The following PIAS4 variants were observed in gnomAD, a reference collection of about 807,000 sequenced individuals.
The protein encoded by PIAS4 is E3 SUMO-protein ligase PIAS4.
Under a neutral mutation model 58.0 loss-of-function variants are expected in PIAS4, and 7 were observed. The observed-to-expected ratio is 0.12, with a 90% CI of 0.07 to 0.23. The LOEUF (loss-of-function observed/expected upper bound fraction) is 0.23, where lower values mean the gene tolerates loss of function less well. Ranked by LOEUF, PIAS4 falls within the 10% of genes least tolerant of loss-of-function variation. PIAS4 has a pLI of 1.00. For synonymous variants in PIAS4, 364 were observed against 312.4 expected (o/e 1.17, Z -1.74); for missense variants, 550 against 709.5 (o/e 0.78, Z 2.55).
At chr19:4,024,694 A>G (rs536668482) in intron 3 of PIAS4, among the ~76,000 whole-genome samples, 1 of 151,990 alleles carries the variant, frequency 6.6e-6, no homozygotes, top group African/African-American at 2.4e-5. Flanking sequence ...TCCCCGGTTT[A>G]CACCGCCCGC....
At chr19:4,022,799 A>G (rs2040123327) in intron 2 of PIAS4, among the ~76,000 whole-genome samples, 2 of 151,120 alleles carry the variant, frequency 1.3e-5, no homozygotes, top group East Asian at 2.0e-4. Flanking sequence ...CAGCCTCCCA[A>G]GTAGCTGGGA....
At chr19:4,019,400 C>A (rs529095437) in intron 2 of PIAS4, among the ~76,000 whole-genome samples, 1 of 152,330 alleles carries the variant, frequency 6.6e-6, no homozygotes, top group South Asian at 2.1e-4. Flanking sequence ...TCTTGTTCTT[C>A]AATGACTGGG....
chr19:4,028,236 G>A lies in PIAS4; in HGVS notation c.581+49G>A, dbSNP rs370495454. On this transcript the variant is annotated intron_variant, in intron 4 of 10. Coordinates refer to ENST00000262971, the MANE Select transcript of PIAS4 (RefSeq NM_015897.4). ...CCCAGGGCTGGACCCCCAGCCACCCGCCCCTCCCCGCCCCCCAGTCCTGGC... is the reference window on the plus strand; with the variant it reads ...CCCAGGGCTGGACCCCCAGCCACCCACCCCTCCCCGCCCCCCAGTCCTGGC... 3.5e-5 allele frequency: 31 copies of A among 889,412 alleles called. No homozygotes were observed. In the African/African-American group the frequency reaches 7.6e-4, roughly 22 times the overall value. The allele number at this position is 889,412 out of a possible 1,614,324, so 55.1% of individuals were successfully genotyped here.
chr19:4,027,095 G>A (rs953507689), intron 3 of PIAS4, among the ~76,000 whole-genome samples: 7 of 151,274 alleles, frequency 4.6e-5, no homozygotes, highest in South Asian at 2.1e-4. Flanking sequence ...CTTGTTATCC[G>A]CCCGCCTCGG....
Position 4,013,119 on chromosome 19 carries a change from C to T in PIAS4, c.224C>T (p.Pro75Leu). Reference sequence around the variant, plus strand: ...GCCAAGAAGAACTCGGAGCCTGCCCCACAGCCGCACCGGCCCCTGGACCCC... The same window carrying T: ...GCCAAGAAGAACTCGGAGCCTGCCCTACAGCCGCACCGGCCCCTGGACCCC... ...RYAKKNSEPA[P>L]QPHRPLDPLT... The change falls in exon 2 of 11, where the codon CCA becomes CTA. Residue 75 changes from proline (P) to leucine (L), a missense_variant. Pro to Leu is a moderately conservative substitution (Grantham distance 98). Coordinates refer to ENST00000262971, the MANE Select transcript of PIAS4 (RefSeq NM_015897.4). The surrounding 1 kb of genome is among the most constrained non-coding windows in gnomAD (Gnocchi z 5.1). 1 of 1,613,434 alleles carries T rather than the reference C, an allele frequency of 6.2e-7. No individual in the cohort carries two copies. The highest frequency in any genetic ancestry group is 8.5e-7 in the Non-Finnish European group (1 of 1,180,008).
Position 4,013,960 on chromosome 19 carries a change from C to T in PIAS4, c.454+611C>T, listed in dbSNP as rs1343311627. Among the ~76,000 whole-genome samples, 1 of 152,176 alleles carries T rather than the reference C, an allele frequency of 6.6e-6. No individual in the cohort carries two copies. Among genetic ancestry groups the T allele is most frequent in the Non-Finnish European group, 1.5e-5 (1 of 68,018 alleles). On this transcript the variant is annotated intron_variant, in intron 2 of 10. Coordinates refer to ENST00000262971, the MANE Select transcript of PIAS4 (RefSeq NM_015897.4). This position sits in a 1 kb window ranked among gnomAD's most constrained non-coding sequence, Gnocchi z 5.1. ...GACTCTGTGGCGCATGCAGGGACCA[C>T]ACCAGGCTGTGACTGCCAGGGCCAG...
intron 3 of PIAS4, among the ~76,000 whole-genome samples, chr19:4,025,738 G>T (rs1306276942): frequency 6.6e-6 from 1 of 150,442 alleles, no homozygotes; most frequent in Non-Finnish European, 1.5e-5. Context: ...CCTGCACTGG[G>T]TCCCTGCTGC....
rs1157965911 is a variant in PIAS4 at position 4,038,715 on chromosome 19, A to T, written c.*840A>T. 6.5e-6 allele frequency: 1 copy of T among 154,004 alleles called. No homozygotes were observed. The highest frequency in any genetic ancestry group is 2.4e-5 in the African/African-American group (1 of 41,328). 9.5% of individuals were successfully genotyped at this position (154,004 alleles called of 1,614,324 possible). A position where few individuals can be genotyped will look rare whatever the true frequency, so the allele number is the denominator to read the frequency against. On this transcript the variant is annotated 3_prime_UTR_variant, in exon 11 of 11. Coordinates refer to ENST00000262971, the MANE Select transcript of PIAS4 (RefSeq NM_015897.4). The surrounding 1 kb of genome is among the most constrained non-coding windows in gnomAD (Gnocchi z 4.1). ...AGCACAGATGTCCACAGATGTCCAC[A>T]GCTGCCGCCGCCGCCGCCGCCACCA...
At chr19:4,034,711 G>A (rs749537772) in intron 9 of PIAS4, among the ~76,000 whole-genome samples, 44 of 152,326 alleles carry the variant, frequency 2.9e-4, no homozygotes, top group Non-Finnish European at 5.9e-4. Flanking sequence ...TTGGGGTGGC[G>A]GCAGCTCTCA....
At chr19:4,025,098 C>A (rs768685397) in intron 3 of PIAS4, among the ~76,000 whole-genome samples, 1 of 152,182 alleles carries the variant, frequency 6.6e-6, no homozygotes, top group Non-Finnish European at 1.5e-5. Context: ...ATAATGAATA[C>A]GGGGTTTCCC....
chr19:4,016,664 G>A (rs993662277), intron 2 of PIAS4, among the ~76,000 whole-genome samples: 5 of 152,134 alleles, frequency 3.3e-5, no homozygotes, highest in Middle Eastern at 3.2e-3. Flanking sequence ...AGGCAGCAGC[G>A]TTTCAGTCCA....
chr19:4,029,133 A>G, intron 7 of PIAS4, 97 bp downstream of exon 7: 1 of 850,700 alleles, frequency 1.2e-6, no homozygotes, highest in Non-Finnish European at 1.9e-6. Flanking sequence ...CCCGGAGGAG[A>G]TCGATCAGGG....
chr19:4,013,966 G>C lies in PIAS4; in HGVS notation c.454+617G>C, dbSNP rs1295748829. On this transcript the variant is annotated intron_variant, in intron 2 of 10. Transcript: ENST00000262971. The surrounding 1 kb of genome is among the most constrained non-coding windows in gnomAD (Gnocchi z 5.1). ...GTGGCGCATGCAGGGACCACACCAGGCTGTGACTGCCAGGGCCAGGGGTGA... is the reference window on the plus strand; with the variant it reads ...GTGGCGCATGCAGGGACCACACCAGCCTGTGACTGCCAGGGCCAGGGGTGA... 6.6e-6 allele frequency among the ~76,000 whole-genome samples: 1 copy of C among 152,108 alleles called. No homozygotes were observed. The highest frequency in any genetic ancestry group is 2.4e-5 in the African/African-American group (1 of 41,422).
intron 1 of PIAS4, among the ~76,000 whole-genome samples, chr19:4,011,341 G>A (rs1297022606): frequency 6.6e-6 from 1 of 152,250 alleles, no homozygotes; most frequent in Non-Finnish European, 1.5e-5. Flanking sequence ...AACCCTGCCA[G>A]CCCATCCCTC....
chr19:4,018,725 T>G (rs544050303), intron 2 of PIAS4: 2 of 152,160 alleles, frequency 1.3e-5, no homozygotes, highest in South Asian at 4.2e-4. Context: ...AGTCGCTCCT[T>G]AGGAGGAGAA....
At chr19:4,028,461 C>A in intron 4 of PIAS4, 49 bp from the exon 5 acceptor site, 2 of 1,385,102 alleles carry the variant, frequency 1.4e-6, no homozygotes. Context: ...GCAGCCTAGT[C>A]CCTCCTGTGC....
intron 1 of PIAS4, among the ~76,000 whole-genome samples, chr19:4,008,340 CCA>C (rs1272426812): frequency 2.0e-5 from 3 of 152,092 alleles, no homozygotes; most frequent in African/African-American, 7.2e-5. Flanking sequence ...CTGCCACCGT[CCA>C]GGTGGAGGAG....
chr19:4,029,734 C>T (rs1319919921), intron 7 of PIAS4, among the ~76,000 whole-genome samples: 2 of 150,896 alleles, frequency 1.3e-5, no homozygotes, highest in Non-Finnish European at 2.9e-5. Context: ...TAGCCTCTAA[C>T]TCGGGCTCAA....
At chr19:4,035,520 G>A (rs1474714627) in intron 9 of PIAS4, among the ~76,000 whole-genome samples, 1 of 152,128 alleles carries the variant, frequency 6.6e-6, no homozygotes, top group African/African-American at 2.4e-5. Flanking sequence ...GGACCTCCGA[G>A]TAAAAAGGCC....
Sources: allele counts gnomAD v4.1 joint callset (sites outside exome capture counted in the v4.1 genomes callset), GRCh38; gene constraint gnomAD v4.1.1; non-coding constraint Gnocchi (gnomAD v3.1); transcripts MANE v1.5; gene names NCBI Gene and HGNC (gene_info 2026-07-23, HGNC 2026-07-21).